ADGRF4: variants seen among roughly 807,000 people sequenced by gnomAD.
The protein encoded by ADGRF4 is adhesion G protein-coupled receptor F4.
In ADGRF4, 63 loss-of-function variants were observed where a neutral mutation model predicts 58.5. That is an observed-to-expected ratio of 1.08 (90% confidence interval 0.88 to 1.33). The LOEUF (loss-of-function observed/expected upper bound fraction) is 1.33. Among genes scored for constraint, ADGRF4 ranks in the 40% most tolerant of loss-of-function variants. The pLI is 0.00. For synonymous variants in ADGRF4, 313 were observed against 295.4 expected (o/e 1.06, Z -0.61); for missense variants, 931 against 843.9 (o/e 1.10, Z -1.28).
At chr6:47,718,170 G>A (rs1772072109) in intron 8 of ADGRF4, among the ~76,000 whole-genome samples, 1 of 152,098 alleles carries the variant, frequency 6.6e-6, no homozygotes, top group African/African-American at 2.4e-5. Flanking sequence ...TAGTTTAGTT[G>A]GAAAGTTTTG....
chr6:47,718,974 C>T (rs137868603), intron 9 of ADGRF4, among the ~76,000 whole-genome samples: 1 of 152,236 alleles, frequency 6.6e-6, no homozygotes, highest in East Asian at 1.9e-4. Context: ...AAAATGGCAG[C>T]CAGAAGCCTG....
At position 47,707,222 on chromosome 6, in the gene ADGRF4, T is replaced by A; in HGVS notation, c.-16-8T>A. The A allele has an allele frequency of 1.3e-6, 2 of 1,491,882 alleles. No individual in the cohort carries two copies. The highest frequency in any genetic ancestry group is 1.9e-6 in the Non-Finnish European group (2 of 1,068,668). 92.4% of individuals were successfully genotyped at this position (1,491,882 alleles called of 1,614,324 possible). On this transcript the variant is annotated splice_region_variant and splice_polypyrimidine_tract_variant and intron_variant, in intron 1 of 9. Transcript: ENST00000283303. Reference sequence around the variant, plus strand: ...TTCAGGTGGGTATGCCTTCTTTCTCTATTGCAGGTGAAGATCCTCATGTAT... The same window carrying A: ...TTCAGGTGGGTATGCCTTCTTTCTCAATTGCAGGTGAAGATCCTCATGTAT...
chr6:47,714,882 C>T lies in ADGRF4; in HGVS notation c.1637C>T (p.Pro546Leu). The T allele has an allele frequency of 6.2e-7, 1 of 1,610,094 alleles. No individual in the cohort carries two copies. Among genetic ancestry groups the T allele is most frequent in the Admixed American group, 1.7e-5 (1 of 59,958 alleles). The change falls in exon 6 of 10, where the codon CCT (proline) becomes CTT (leucine). Residue 546 changes from proline (P) to leucine (L), a missense_variant. By Grantham distance (98) the Pro-to-Leu change is moderately conservative. Transcript: ENST00000283303. ...GAGCCAGAGAAAGGCTACATGAGACCTGAGGCCTGTTGGCTTAACTGGGAC... is the reference window on the plus strand; with the variant it reads ...GAGCCAGAGAAAGGCTACATGAGACTTGAGGCCTGTTGGCTTAACTGGGAC... ...ITEPEKGYMR[P>L]EACWLNWDNT...
chr6:47,710,752 T>C lies in ADGRF4; in HGVS notation c.166T>C (p.Cys56Arg). The C allele has an allele frequency of 1.2e-6, 2 of 1,607,244 alleles. No individual in the cohort carries two copies. The highest frequency in any genetic ancestry group is 1.7e-6 in the Non-Finnish European group (2 of 1,177,938). ...GRIQEKCEGP[C>R]ISSSNCSQPC... Reference sequence around the variant, plus strand: ...CTTTATAGAGAAATGCGAAGGACCTTGTATTTCTTCTTCCAACTGCAGCCA... The same window carrying C: ...CTTTATAGAGAAATGCGAAGGACCTCGTATTTCTTCTTCCAACTGCAGCCA... The change falls in exon 4 of 10, where the codon TGT becomes CGT. Residue 56 changes from cysteine (C) to arginine (R), a missense_variant. By Grantham distance (180) the Cys-to-Arg change is radical. Transcript: ENST00000283303.
At chr6:47,701,183 C>T (rs1414999104) in intron 1 of ADGRF4, among the ~76,000 whole-genome samples, 4 of 152,174 alleles carry the variant, frequency 2.6e-5, no homozygotes, top group African/African-American at 7.2e-5. Flanking sequence ...TTGTAATGAC[C>T]AGCAAATGTT....
At chr6:47,717,187 G>C in intron 7 of ADGRF4, 105 bp from the exon 8 acceptor site, 1 of 812,636 alleles carries the variant, frequency 1.2e-6, no homozygotes, top group Non-Finnish European at 2.2e-6. Flanking sequence ...TAAGTCCTCT[G>C]ATATTGCTTC....
intron 2 of ADGRF4, among the ~76,000 whole-genome samples, 193 bp from the exon 3 acceptor site, chr6:47,708,031 G>A (rs1328198476): frequency 1.3e-5 from 2 of 152,032 alleles, no homozygotes; most frequent in Non-Finnish European, 2.9e-5. Flanking sequence ...CTTATCAGAG[G>A]GCGTGCATTC....
chr6:47,701,424 T>C (rs1311831916), intron 1 of ADGRF4, among the ~76,000 whole-genome samples: 1 of 152,238 alleles, frequency 6.6e-6, no homozygotes, highest in East Asian at 1.9e-4. Context: ...TAGTTGCTTT[T>C]ATCTCTGAAA....
At chr6:47,706,461 C>T (rs1329829105) in intron 1 of ADGRF4, among the ~76,000 whole-genome samples, 2 of 152,180 alleles carry the variant, frequency 1.3e-5, no homozygotes, top group African/African-American at 4.8e-5. Flanking sequence ...TTACTTGTCT[C>T]CATATGCCTA....
In ADGRF4 at chr6:47,716,808, T is replaced by C; in HGVS notation, c.1935T>C (p.Gly645=). 1.2e-6 allele frequency: 2 copies of C among 1,600,524 alleles called. No individual in the cohort carries two copies. The highest frequency in any genetic ancestry group is 1.7e-6 in the Non-Finnish European group (2 of 1,173,458). ...IIFALLNAFQ[G]FFILLFGTIM... is the part of the protein sequence containing the mutation. ...GAATCTGTTCAATTTTGCCACAGGG[T>C]TTTTTCATCCTGCTGTTTGGAACCA... is the stretch of plus-strand genomic sequence containing the variant. The change falls in exon 7 of 10, where the codon GGT becomes GGC. Residue 645 remains glycine, a splice_region_variant and synonymous_variant. Transcript: ENST00000283303.
chr6:47,714,871 CT>C lies in ADGRF4; in HGVS notation c.1627del (p.Tyr543ThrfsTer2). 1 of 1,609,418 alleles carries C rather than the reference CT, an allele frequency of 6.2e-7. No individual in the cohort carries two copies. The highest frequency in any genetic ancestry group is 1.1e-5 in the South Asian group (1 of 91,036). Reference protein sequence around the residue: ...TVAITEPEKGYMRPEACWLNW... With the variant: ...TVAITEPEKGXMRPEACWLNW... ...TTGCTATCACAGAGCCAGAGAAAGGCTACATGAGACCTGAGGCCTGTTGGCT... is the reference window on the plus strand; with the variant it reads ...TTGCTATCACAGAGCCAGAGAAAGGCACATGAGACCTGAGGCCTGTTGGCT... On this transcript the variant is annotated frameshift_variant, in exon 6 of 10. Coordinates refer to ENST00000283303, the MANE Select transcript of ADGRF4 (RefSeq NM_153838.5). LOFTEE classifies it high-confidence loss of function.
chr6:47,720,372 G>A (rs1206111665), intron 9 of ADGRF4, among the ~76,000 whole-genome samples: 1 of 152,174 alleles, frequency 6.6e-6, no homozygotes, highest in Non-Finnish European at 1.5e-5. Flanking sequence ...CATGGTCTCA[G>A]GAGGTAGGCA....
At chr6:47,711,308 G>A (rs1029407253) in intron 4 of ADGRF4, among the ~76,000 whole-genome samples, 1 of 152,040 alleles carries the variant, frequency 6.6e-6, no homozygotes, top group Non-Finnish European at 1.5e-5. Flanking sequence ...CTGCCTCCAG[G>A]CTGGAGTGCA....
At position 47,713,792 on chromosome 6, in the gene ADGRF4, T is replaced by C. The variant is rs751851088; in HGVS notation, c.553-6T>C. On this transcript the variant is annotated splice_polypyrimidine_tract_variant and splice_region_variant and intron_variant, in intron 5 of 9. Transcript: ENST00000283303. ...TTAGTATAATGTTCACCTTTCTCCA[T>C]TGCAGAGCTATAGTGAAGTGGCCAA... The C allele has an allele frequency of 2.0e-6, 3 of 1,523,354 alleles. No homozygotes were observed. The highest frequency in any genetic ancestry group is 2.7e-5 in the South Asian group (2 of 75,140). 94.4% of individuals were successfully genotyped at this position (1,523,354 alleles called of 1,614,324 possible). A position where few individuals can be genotyped will look rare whatever the true frequency, so the allele number is the denominator to read the frequency against.
intron 1 of ADGRF4, among the ~76,000 whole-genome samples, chr6:47,699,867 A>G (rs1561862939): frequency 6.6e-6 from 1 of 151,738 alleles, no homozygotes; most frequent in African/African-American, 2.4e-5. Context: ...AAACAGACAG[A>G]CAGTTATAGA....
At position 47,714,328 on chromosome 6, in the gene ADGRF4, G is replaced by A. The variant is rs765084046; in HGVS notation, c.1083G>A (p.Glu361=). ...GWHSKKRRWD[E]KACQMMLDIR... is the part of the protein sequence containing the mutation. Reference sequence around the variant, plus strand: ...ACTCCAAGAAAAGGAGATGGGATGAGAAAGCGTGCCAAATGATGTTGGATA... The same window carrying A: ...ACTCCAAGAAAAGGAGATGGGATGAAAAAGCGTGCCAAATGATGTTGGATA... Residue 361 remains glutamate (E), a synonymous_variant, in exon 6 of 10, where the codon GAG becomes GAA. Coordinates refer to ENST00000283303, the MANE Select transcript of ADGRF4 (RefSeq NM_153838.5). 78 of 1,614,110 alleles carry A rather than the reference G, an allele frequency of 4.8e-5. No individual in the cohort carries two copies. Among genetic ancestry groups the A allele is most frequent in the Non-Finnish European group, 6.4e-5 (76 of 1,180,034 alleles).
Position 47,713,861 on chromosome 6 carries a change from C to T in ADGRF4, c.616C>T (p.Pro206Ser). The change falls in exon 6 of 10, where the codon CCC (proline) becomes TCC (serine). Residue 206 changes from proline to serine, a missense_variant. Coordinates refer to ENST00000283303, the MANE Select transcript of ADGRF4 (RefSeq NM_153838.5). ...AGCCATTTCAAACTGGGCTTTCATT[C>T]CCAACAAAAATGCCAGCTCGGATTT... ...TAAISNWAFI[P>S]NKNASSDLLQ... 1 of 1,598,508 alleles carries T rather than the reference C, an allele frequency of 6.3e-7. No individual in the cohort carries two copies. The highest frequency in any genetic ancestry group is 8.5e-7 in the Non-Finnish European group (1 of 1,173,192).
chr6:47,718,561 G>A (rs1469627329), intron 9 of ADGRF4, 116 bp downstream of exon 9: 1 of 713,628 alleles, frequency 1.4e-6, no homozygotes, highest in South Asian at 1.6e-5. Context: ...GGGAGGGGAA[G>A]AGGGGGACAT....
rs756245493 is a variant in ADGRF4, at chr6:47,714,401, T to C, written c.1156T>C (p.Ser386Pro). ...CTGTAACTACACCAGTGTGGTGATG[T>C]CTTTTTCCATTCTCATGTCCTCCAA... ...CRCNYTSVVM[S>P]FSILMSSKSM... The change falls in exon 6 of 10, where the codon TCT (serine) becomes CCT (proline). Residue 386 changes from serine to proline, a missense_variant. Physicochemically the swap from Ser to Pro is moderately conservative, Grantham distance 74. Transcript: ENST00000283303. The C allele has an allele frequency of 6.2e-7, 1 of 1,614,130 alleles. No homozygotes were observed. Among genetic ancestry groups the C allele is most frequent in the South Asian group, 1.1e-5 (1 of 91,072 alleles).
Sources: gnomAD v4.1 joint callset for allele counts (sites outside exome capture counted in the v4.1 genomes callset) on GRCh38, gnomAD v4.1.1 for gene constraint, MANE v1.5 for transcripts, NCBI Gene and HGNC (gene_info 2026-07-23, HGNC 2026-07-21) for gene names.